The following KANSL1L variants were observed in gnomAD, a reference collection of about 807,000 sequenced individuals.
KANSL1L encodes KAT8 regulatory NSL complex subunit 1 like.
KANSL1L carries 25 observed loss-of-function variants against 108.6 expected under a neutral mutation model. That is an observed-to-expected ratio of 0.23 (90% CI 0.17 to 0.32). KANSL1L has a LOEUF of 0.32. Ranked by LOEUF, KANSL1L falls within the 10% of genes least tolerant of loss-of-function variation. The probability of loss-of-function intolerance (pLI) is 1.00; values close to 1 mark genes in which losing one functional copy is unlikely to be tolerated. For synonymous variants in KANSL1L, 405 were observed against 395.1 expected, an observed-to-expected ratio of 1.03 and a Z score of -0.30; for missense variants, 1,137 against 1,125.7, an observed-to-expected ratio of 1.01 and a Z score of -0.14.
chr2:210,110,022 C>A (rs1215633188), intron 3 of KANSL1L, among the ~76,000 whole-genome samples: 1 of 152,166 alleles, frequency 6.6e-6, no homozygotes, highest in Non-Finnish European at 1.5e-5. Flanking sequence ...GTAGAACTCA[C>A]TCAGAAACTC....
At chr2:210,164,188 T>C (rs1395183851) in intron 1 of KANSL1L, among the ~76,000 whole-genome samples, 1 of 152,196 alleles carries the variant, frequency 6.6e-6, no homozygotes, top group African/African-American at 2.4e-5. Flanking sequence ...CTTGATAAGC[T>C]ATTTTCTATT....
intron 2 of KANSL1L, among the ~76,000 whole-genome samples, chr2:210,139,585 T>A (rs1206213500): frequency 6.6e-6 from 1 of 152,224 alleles, no homozygotes; most frequent in Non-Finnish European, 1.5e-5. Flanking sequence ...TTTCTTGTAA[T>A]AGCCATTTTA....
intron 3 of KANSL1L, among the ~76,000 whole-genome samples, chr2:210,115,821 T>TA (rs2094948327): frequency 6.6e-6 from 1 of 152,144 alleles, no homozygotes; most frequent in Admixed American, 6.6e-5. Context: ...TCTATTCTAA[T>TA]AAAAATGTTA....
Position 210,075,743 on chromosome 2 carries a change from A to G in KANSL1L, c.1564T>C (p.Leu522=), listed in dbSNP as rs1390458938. 9.9e-6 allele frequency: 16 copies of G among 1,613,036 alleles called. No homozygotes were observed. The highest frequency in any genetic ancestry group is 1.4e-5 in the Non-Finnish European group (16 of 1,179,222). ...CTACTGGAGGAAGACAGCTCATCTA[A>G]ATTCTCTGATGCACTGAAATGCCAT... ...NGIYRSASEN[L]DELSSSSSWL... The change falls in exon 6 of 15, where the codon TTA becomes CTA. Residue 522 remains leucine (L), a synonymous_variant. Coordinates refer to ENST00000281772, the MANE Select transcript of KANSL1L (RefSeq NM_152519.4).
At chr2:210,091,371 C>T (rs2094691713) in intron 5 of KANSL1L, among the ~76,000 whole-genome samples, 1 of 152,042 alleles carries the variant, frequency 6.6e-6, no homozygotes, top group African/African-American at 2.4e-5. Context: ...AGTTTATATC[C>T]TATTTTCTTA....
intron 6 of KANSL1L, among the ~76,000 whole-genome samples, chr2:210,067,968 C>A (rs867229751): frequency 2.6e-5 from 4 of 152,040 alleles, no homozygotes; most frequent in South Asian, 2.1e-4. Context: ...ACCTCCGCCT[C>A]CTGGGTTCAA....
In KANSL1L at chr2:210,028,835, G is replaced by C. The variant is rs539326320; in HGVS notation, c.2396+10C>G. ...AAGGAAGAAAAATATGAAGATGTAA[G>C]TATACATACCTTGGAGTAAGTATTT... On this transcript the variant is annotated intron_variant, in intron 11 of 14. Transcript: ENST00000281772. The C allele has an allele frequency of 2.4e-5, 38 of 1,554,152 alleles. No individual in the cohort carries two copies. In the East Asian group the frequency reaches 6.5e-4, roughly 26 times the overall value.
At chr2:210,078,222 A>G (rs1231139518) in intron 5 of KANSL1L, among the ~76,000 whole-genome samples, 1 of 152,186 alleles carries the variant, frequency 6.6e-6, no homozygotes, top group East Asian at 1.9e-4. Context: ...CATAGTTACA[A>G]TGTCACTAGA....
chr2:210,056,250 C>T (rs536686921), intron 6 of KANSL1L, among the ~76,000 whole-genome samples: 11 of 152,330 alleles, frequency 7.2e-5, no homozygotes, highest in African/African-American at 1.7e-4. Context: ...TGGGAACCTT[C>T]GCCTAGCCAT....
At chr2:210,025,353 A>C (rs2093922023) in intron 12 of KANSL1L, 137 bp from the exon 13 acceptor site, 3 of 515,462 alleles carry the variant, frequency 5.8e-6, no homozygotes, top group South Asian at 5.8e-5. Context: ...TCAGGAGTTC[A>C]AGACCAGCCT....
At chr2:210,160,504 C>T (rs1030098880) in intron 1 of KANSL1L, among the ~76,000 whole-genome samples, 3 of 152,138 alleles carry the variant, frequency 2.0e-5, no homozygotes, top group Admixed American at 2.0e-4. Flanking sequence ...ACCTACAAAA[C>T]TCATTTATAT....
intron 1 of KANSL1L, chr2:210,170,518 T>G: frequency 3.2e-6 from 1 of 315,196 alleles, no homozygotes; most frequent in Non-Finnish European, 4.6e-6. Context: ...GCAATCTGAC[T>G]TTTTCCAGCA....
intron 4 of KANSL1L, among the ~76,000 whole-genome samples, chr2:210,100,696 T>C (rs1384462133): frequency 1.3e-5 from 2 of 152,340 alleles, no homozygotes; most frequent in Non-Finnish European, 1.5e-5. Context: ...TAGAGTGCAG[T>C]GGTGCCATCT....
chr2:210,134,978 G>C (rs1423546079), intron 2 of KANSL1L, among the ~76,000 whole-genome samples: 1 of 152,110 alleles, frequency 6.6e-6, no homozygotes, highest in Non-Finnish European at 1.5e-5. Flanking sequence ...AGCAAGGTCA[G>C]GGACTATGAA....
At chr2:210,104,343 T>C in intron 3 of KANSL1L, 42 bp from the exon 4 acceptor site, 1 of 1,456,962 alleles carries the variant, frequency 6.9e-7, no homozygotes, top group Non-Finnish European at 9.6e-7. Flanking sequence ...AAAACAAACT[T>C]ATTATTAAGC....
At position 210,154,343 on chromosome 2, in the gene KANSL1L, AAC is replaced by A. The variant is rs1465391753; in HGVS notation, c.238_239del (p.Val80PhefsTer6). 1 of 1,611,444 alleles carries A rather than the reference AAC, an allele frequency of 6.2e-7. No individual in the cohort carries two copies. The highest frequency in any genetic ancestry group is 2.2e-5 in the East Asian group (1 of 44,864). On this transcript the variant is annotated frameshift_variant, in exon 2 of 15. Coordinates refer to ENST00000281772, the MANE Select transcript of KANSL1L (RefSeq NM_152519.4). LOFTEE classifies it high-confidence loss of function. ...SPQSSKHYQT[V>X]FLMRSNSTLN... Reference sequence around the variant, plus strand: ...ATGTAGAATTAGATCTCATTAAAAAAACAGTCTGGTAATGTTTTGAAGACTGA... The same window carrying A: ...ATGTAGAATTAGATCTCATTAAAAAAAGTCTGGTAATGTTTTGAAGACTGA...
At position 210,121,692 on chromosome 2, in the gene KANSL1L, A is replaced by C. The variant is rs539367715; in HGVS notation, c.1230+7339T>G. 2.6e-5 allele frequency among the ~76,000 whole-genome samples: 4 copies of C among 152,264 alleles called. No individual in the cohort carries two copies. The South Asian group carries it at 8.3e-4, about 32-fold the overall frequency. ...AGAAATAAAACTTTTTGGGGGGCAA[A>C]TTTTTTAAAAAAGAAAAAGAAATAA... On this transcript the variant is annotated intron_variant, in intron 3 of 14. Transcript: ENST00000281772.
intron 6 of KANSL1L, among the ~76,000 whole-genome samples, chr2:210,054,972 A>G (rs773558440): frequency 9.8e-5 from 15 of 152,340 alleles, no homozygotes; most frequent in Non-Finnish European, 2.2e-4. Context: ...AGTAGTACAT[A>G]AAAATCAGTT....
chr2:210,140,621 T>C (rs1260111623), intron 2 of KANSL1L, among the ~76,000 whole-genome samples: 1 of 152,208 alleles, frequency 6.6e-6, no homozygotes, highest in Non-Finnish European at 1.5e-5. Flanking sequence ...TTGCTCAAGA[T>C]TGCTTTGGCT....
Sources: gnomAD v4.1 joint callset for allele counts (sites outside exome capture counted in the v4.1 genomes callset) on GRCh38, gnomAD v4.1.1 for gene constraint, MANE v1.5 for transcripts, NCBI Gene and HGNC (gene_info 2026-07-23, HGNC 2026-07-21) for gene names.